The following ELAVL2 variants were observed in gnomAD, a reference collection of about 807,000 sequenced individuals.
The protein encoded by ELAVL2 is ELAV like RNA binding protein 2.
Under a neutral mutation model 34.6 loss-of-function variants are expected in ELAVL2, and 4 were observed. The ratio of observed to expected loss-of-function variants is 0.12; its 90% CI spans 0.06 to 0.26. ELAVL2 has a LOEUF of 0.26. Ranked by LOEUF, ELAVL2 falls within the 10% of genes least tolerant of loss-of-function variation. The probability of loss-of-function intolerance (pLI) is 1.00; values close to 1 mark genes in which losing one functional copy is unlikely to be tolerated. For missense variants in ELAVL2, 432 were observed against 442.8 expected, an observed-to-expected ratio of 0.98 and a Z score of 0.22; for synonymous variants, 193 against 154.8, an observed-to-expected ratio of 1.25 and a Z score of -1.83.
At chr9:23,707,325 A>G (rs2039642872) in intron 3 of ELAVL2, among the ~76,000 whole-genome samples, 1 of 152,244 alleles carries the variant, frequency 6.6e-6, no homozygotes, top group South Asian at 2.1e-4. Context: ...ATTCTCAATT[A>G]TCCAGAAAAG....
chr9:23,798,535 C>G (rs1187577823), intron 1 of ELAVL2, among the ~76,000 whole-genome samples: 1 of 152,180 alleles, frequency 6.6e-6, no homozygotes, highest in African/African-American at 2.4e-5. Context: ...GTGCCTGGCA[C>G]AGAGAAGCAG....
chr9:23,781,084 A>T (rs1216561326), intron 1 of ELAVL2, among the ~76,000 whole-genome samples: 1 of 152,208 alleles, frequency 6.6e-6, no homozygotes, highest in African/African-American at 2.4e-5. Context: ...AACTTCCCTC[A>T]TCTATTAAGA....
Position 23,780,942 on chromosome 9 carries a change from A to C in ELAVL2, c.-15-18693T>G, listed in dbSNP as rs117183428. Among the ~76,000 whole-genome samples the C allele has an allele frequency of 3.3e-5, 5 of 152,324 alleles. No individual in the cohort carries two copies. The East Asian group carries it at 9.6e-4, about 29-fold the overall frequency. On this transcript the variant is annotated intron_variant, in intron 1 of 6. Transcript: ENST00000397312. ...TCTCATTCCCAAGTCCCAGGCTAACAAACTAACAGGGATATGGAAAAAAAG... is the reference window on the plus strand; with the variant it reads ...TCTCATTCCCAAGTCCCAGGCTAACCAACTAACAGGGATATGGAAAAAAAG...
In ELAVL2 at chr9:23,692,615, C is replaced by T. The variant is rs753832085; in HGVS notation, c.1022G>A (p.Arg341His). 3.7e-6 allele frequency: 6 copies of T among 1,614,148 alleles called. No homozygotes were observed. The highest frequency in any genetic ancestry group is 2.2e-5 in the South Asian group (2 of 91,092). The change falls in exon 7 of 7, where the codon CGT (arginine) becomes CAT (histidine). Residue 341 changes from arginine to histidine, a missense_variant. Physicochemically the swap from Arg to His is conservative, Grantham distance 29. This residue lies in a region of ELAVL2 where 295 missense variants were observed against 306.1 expected (regional missense o/e 0.96). Transcript: ENST00000397312. ...AMAIASLNGYRLGDRVLQVSF... is the reference protein window; with the variant it reads ...AMAIASLNGYHLGDRVLQVSF... ...GACCTGCAGTACTCTGTCTCCCAGA[C>T]GGTATCCATTGAGGCTAGCTATCGC...
At chr9:23,823,978 G>T (rs1202995694) in intron 1 of ELAVL2, among the ~76,000 whole-genome samples, 2 of 152,190 alleles carry the variant, frequency 1.3e-5, no homozygotes, top group Non-Finnish European at 2.9e-5. Flanking sequence ...TGAAGGTTTA[G>T]AATCTTAACC....
chr9:23,833,146 A>G, the ELAVL2 span, among the ~76,000 whole-genome samples: 1 of 151,888 alleles, frequency 6.6e-6, no homozygotes, highest in African/African-American at 2.4e-5. Flanking sequence ...ATGGTTATGT[A>G]AGCTAACTTT....
intron 5 of ELAVL2, among the ~76,000 whole-genome samples, chr9:23,695,660 T>C (rs184742103): frequency 4.6e-5 from 7 of 152,284 alleles, no homozygotes; most frequent in Admixed American, 2.6e-4. Context: ...TCTACAAACC[T>C]GTATAACATG....
At chr9:23,837,406 C>T in the ELAVL2 span, among the ~76,000 whole-genome samples, 1 of 152,180 alleles carries the variant, frequency 6.6e-6, no homozygotes, top group Non-Finnish European at 1.5e-5. Context: ...CAGAAAGTCA[C>T]TCTGACTAAA....
At chr9:23,832,178 C>A in the ELAVL2 span, 1 of 152,002 alleles carries the variant, frequency 6.6e-6, no homozygotes, top group Non-Finnish European at 1.5e-5. Context: ...GGCCTTTTGG[C>A]TGAAGTGATA....
At chr9:23,788,604 C>A (rs1200099917) in intron 1 of ELAVL2, among the ~76,000 whole-genome samples, 1 of 152,132 alleles carries the variant, frequency 6.6e-6, no homozygotes, top group Admixed American at 6.5e-5. Flanking sequence ...ATTTAGTTTT[C>A]TTTAAGTCGA....
intron 3 of ELAVL2, among the ~76,000 whole-genome samples, chr9:23,715,291 G>T (rs759417829): frequency 2.0e-5 from 3 of 152,292 alleles, no homozygotes; most frequent in African/African-American, 4.8e-5. Flanking sequence ...TGGGAACACA[G>T]GCGCCCGCCA....
the ELAVL2 span, chr9:23,849,783 T>C: frequency 6.6e-6 from 1 of 152,302 alleles, no homozygotes; most frequent in African/African-American, 2.4e-5. Context: ...TTTCTTTTTG[T>C]TGTTGTTTAA....
intron 4 of ELAVL2, 31 bp downstream of exon 4, chr9:23,704,887 G>T: frequency 1.2e-6 from 2 of 1,612,060 alleles, no homozygotes; most frequent in Non-Finnish European, 1.7e-6. Flanking sequence ...CAGAGACAGG[G>T]AAAGACTGTC....
chr9:23,825,700 CAT>C (rs1184700460), intron 1 of ELAVL2, 104 bp downstream of exon 1: 17 of 152,338 alleles, frequency 1.1e-4, no homozygotes, highest in African/African-American at 2.4e-4. Flanking sequence ...ATGAGACAAA[CAT>C]GTGCAATTAA....
rs377179848 is a variant in ELAVL2, at chr9:23,770,689, TG to T, written c.-15-8441del. Reference sequence around the variant, plus strand: ...AGGAAACAATCTCTCATAAAGACTCTGGGAGGAATGCAGCCCTGCCAACACT... The same window carrying T: ...AGGAAACAATCTCTCATAAAGACTCTGGAGGAATGCAGCCCTGCCAACACT... On this transcript the variant is annotated intron_variant, in intron 1 of 6. Coordinates refer to ENST00000397312, the MANE Select transcript of ELAVL2 (RefSeq NM_004432.5). Among the ~76,000 whole-genome samples the T allele has an allele frequency of 4.0e-4, 61 of 152,296 alleles. 1 individual carries two copies. The East Asian group carries it at 0.01, about 25-fold the overall frequency.
intron 1 of ELAVL2, among the ~76,000 whole-genome samples, chr9:23,773,293 T>C (rs775621740): frequency 2.6e-5 from 4 of 152,302 alleles, no homozygotes; most frequent in African/African-American, 7.2e-5. Context: ...TATCCACTTA[T>C]ATCCACATCA....
At chr9:23,780,425 G>T (rs2058905082) in intron 1 of ELAVL2, among the ~76,000 whole-genome samples, 2 of 152,038 alleles carry the variant, frequency 1.3e-5, no homozygotes, top group Non-Finnish European at 2.9e-5. Flanking sequence ...TTGGAAAATG[G>T]CTTTTTAAGC....
chr9:23,843,249 A>G, the ELAVL2 span, among the ~76,000 whole-genome samples: 1 of 152,150 alleles, frequency 6.6e-6, no homozygotes, highest in Non-Finnish European at 1.5e-5. Flanking sequence ...CTATAAAATA[A>G]TACTTATAAC....
intron 2 of ELAVL2, among the ~76,000 whole-genome samples, chr9:23,739,883 C>T (rs570919479): frequency 6.6e-6 from 1 of 152,128 alleles, no homozygotes; most frequent in South Asian, 2.1e-4. Context: ...CATTTTTTAA[C>T]TCAGATACCA....
Sources: gnomAD v4.1 joint callset for allele counts (sites outside exome capture counted in the v4.1 genomes callset) on GRCh38, gnomAD v4.1.1 for gene constraint, gnomAD v4.1.1 regional missense constraint, MANE v1.5 for transcripts, NCBI Gene and HGNC (gene_info 2026-07-23, HGNC 2026-07-21) for gene names.